The following UBE3B variants were observed in gnomAD, a reference collection of about 807,000 sequenced individuals.
UBE3B encodes ubiquitin-protein ligase E3B.
UBE3B carries 80 observed loss-of-function variants against 132.3 expected under a neutral mutation model. That is an observed-to-expected ratio of 0.60 (90% CI 0.50 to 0.73). The LOEUF is 0.73. Among genes scored for constraint, UBE3B ranks in the 30% least tolerant of loss-of-function variants. The pLI, the probability that UBE3B is intolerant of heterozygous loss-of-function variation, is 0.00. For missense variants in UBE3B, 1,196 were observed against 1,362.5 expected (o/e 0.88, Z 1.92); for synonymous variants, 487 against 520.4 (o/e 0.94, Z 0.87).
Position 109,536,435 on chromosome 12 carries a change from G to A in UBE3B, c.*1653G>A, listed in dbSNP as rs1277751726. On this transcript the variant is annotated 3_prime_UTR_variant, in exon 28 of 28. Coordinates refer to ENST00000342494, the MANE Select transcript of UBE3B (RefSeq NM_130466.4). The stretch of plus-strand genomic sequence containing the variant: ...TCACCTGAAGGTTGGAACCAGTGAG[G>A]GACTGGGAGAGAGTGATTTATAAGC... 6.6e-6 allele frequency: 1 copy of A among 152,224 alleles called. No homozygotes were observed. The highest frequency in any genetic ancestry group is 2.4e-5 in the African/African-American group (1 of 41,444). The allele number at this position is 152,224 out of a possible 1,614,324, so 9.4% of individuals were successfully genotyped here.
At chr12:109,491,679 TC>T (rs1877485335) in intron 9 of UBE3B, 1 of 152,420 alleles carries the variant, frequency 6.6e-6, no homozygotes, top group African/African-American at 2.4e-5. Flanking sequence ...TGTTCATAGG[TC>T]CAGAACATGT....
At chr12:109,480,650 T>TAAA (rs35317381) in intron 1 of UBE3B, among the ~76,000 whole-genome samples, 3 of 142,506 alleles carry the variant, frequency 2.1e-5, no homozygotes, top group Non-Finnish European at 3.1e-5. Context: ...GACCCTGCCT[T>TAAA]AAAAAAAAAA....
intron 24 of UBE3B, 28 bp from the exon 25 acceptor site, chr12:109,529,862 A>G: frequency 6.2e-7 from 1 of 1,613,000 alleles, no homozygotes; most frequent in East Asian, 2.2e-5. Flanking sequence ...GTTAATTGTC[A>G]TTGTTATCTC....
Position 109,534,420 on chromosome 12 carries a change from C to T in UBE3B, c.3016-171C>T, listed in dbSNP as rs374018902. 1.1e-4 allele frequency: 163 copies of T among 1,417,944 alleles called. 1 individual carries two copies. In the East Asian group the frequency reaches 1.4e-3, roughly 12 times the overall value. The allele number at this position is 1,417,944 out of a possible 1,614,324, so 87.8% of individuals were successfully genotyped here. ...AGGGGTTCCTTCTCTGGAAGCCAGT[C>T]GTCTTGTGTCTGGGGCTTGACCTCG... On this transcript the variant is annotated intron_variant, in intron 27 of 27. Coordinates refer to ENST00000342494, the MANE Select transcript of UBE3B (RefSeq NM_130466.4). This position sits in a 1 kb window ranked among gnomAD's most constrained non-coding sequence, Gnocchi z 5.2.
intron 24 of UBE3B, chr12:109,528,440 A>G: frequency 1.0e-6 from 1 of 985,200 alleles, no homozygotes; most frequent in Non-Finnish European, 1.2e-6. Context: ...AAATTTTTTT[A>G]AATAGGGATA....
At chr12:109,510,669 A>C (rs1179744522) in intron 17 of UBE3B, among the ~76,000 whole-genome samples, 1 of 152,232 alleles carries the variant, frequency 6.6e-6, no homozygotes, top group Non-Finnish European at 1.5e-5. Context: ...GATTAGAGTT[A>C]ATTAATGGCA....
At chr12:109,525,867 C>T (rs1882280215) in intron 23 of UBE3B, among the ~76,000 whole-genome samples, 1 of 152,146 alleles carries the variant, frequency 6.6e-6, no homozygotes, top group Non-Finnish European at 1.5e-5. Flanking sequence ...ATGCCAGTGC[C>T]CACAGGGTGC....
At chr12:109,544,026 G>A in the UBE3B span, among the ~76,000 whole-genome samples, 1 of 152,126 alleles carries the variant, frequency 6.6e-6, no homozygotes, top group Non-Finnish European at 1.5e-5. Context: ...CTGGCTTAAG[G>A]GTTGAGCCTC....
rs780201047 is a variant in UBE3B, at chr12:109,510,362, C to G, written c.1760C>G (p.Thr587Ser). The change falls in exon 17 of 28, where the codon ACC becomes AGC. Residue 587 changes from threonine to serine, a missense_variant. Coordinates refer to ENST00000342494, the MANE Select transcript of UBE3B (RefSeq NM_130466.4). ...DGIVENAKGE[T>S]LELFQSVHGW... Reference sequence around the variant, plus strand: ...CCCACAGAGAACGCCAAGGGTGAGACCTTGGAGCTGTTCCAGTCTGTCCAC... The same window carrying G: ...CCCACAGAGAACGCCAAGGGTGAGAGCTTGGAGCTGTTCCAGTCTGTCCAC... 24 of 1,609,732 alleles carry G rather than the reference C, an allele frequency of 1.5e-5. No individual in the cohort carries two copies.
intron 17 of UBE3B, among the ~76,000 whole-genome samples, 183 bp from the exon 18 acceptor site, chr12:109,511,021 C>T (rs2135991319): frequency 6.6e-6 from 1 of 152,336 alleles, no homozygotes; most frequent in South Asian, 2.1e-4. Flanking sequence ...CTCAACTCTG[C>T]TCTTGTAGCA....
intron 6 of UBE3B, among the ~76,000 whole-genome samples, chr12:109,486,868 G>T (rs921689030): frequency 1.2e-4 from 18 of 152,072 alleles, no homozygotes; most frequent in Admixed American, 7.9e-4. Flanking sequence ...TATTATACTA[G>T]TCAGGCCTCT....
intron 26 of UBE3B, among the ~76,000 whole-genome samples, chr12:109,531,575 C>CT (rs1251726202): frequency 1.3e-5 from 2 of 152,166 alleles, no homozygotes; most frequent in Non-Finnish European, 1.5e-5. Context: ...GACAGTGTCA[C>CT]TGGCAATTAA....
At chr12:109,491,585 G>A (rs1174752842) in intron 9 of UBE3B, 1 of 153,846 alleles carries the variant, frequency 6.5e-6, no homozygotes, top group Non-Finnish European at 1.4e-5. Context: ...GTTTGGAGAT[G>A]TCAGGTACTG....
rs1220691833 is a variant in UBE3B, at chr12:109,501,503, A to C, written c.1251A>C (p.Pro417=). 1 of 1,614,188 alleles carries C rather than the reference A, an allele frequency of 6.2e-7. No individual in the cohort carries two copies. The highest frequency in any genetic ancestry group is 8.5e-7 in the Non-Finnish European group (1 of 1,180,034). ...LESQEPAHAQ[P]ASPQNVLPVK... is the part of the protein sequence containing the mutation. The stretch of plus-strand genomic sequence containing the variant: ...GCCAGGAGCCAGCCCACGCACAGCC[A>C]GCATCCCCTCAGAATGTGCTCCCAG... The change falls in exon 13 of 28, where the codon CCA becomes CCC. Residue 417 remains proline, a synonymous_variant. Transcript: ENST00000342494.
At chr12:109,529,777 T>G in intron 24 of UBE3B, 113 bp from the exon 25 acceptor site, 1 of 1,220,926 alleles carries the variant, frequency 8.2e-7, no homozygotes, top group Non-Finnish European at 1.2e-6. Flanking sequence ...TCTGGTACTA[T>G]TTGTGTTTTT....
intron 14 of UBE3B, among the ~76,000 whole-genome samples, chr12:109,503,713 A>T (rs1432034599): frequency 6.6e-6 from 1 of 152,192 alleles, no homozygotes; most frequent in Non-Finnish European, 1.5e-5. Context: ...TTTCCTTTTT[A>T]GCTTAACATG....
chr12:109,519,470 C>T (rs551343401), intron 19 of UBE3B: 8 of 152,328 alleles, frequency 5.3e-5, no homozygotes, highest in South Asian at 4.1e-4. Context: ...ATCCAGTAAA[C>T]GCTCCTTGAG....
chr12:109,520,801 TGA>T (rs895264519), intron 19 of UBE3B: 11 of 192,486 alleles, frequency 5.7e-5, no homozygotes, highest in Admixed American at 1.2e-4. Flanking sequence ...CTCTTAGCAT[TGA>T]GAGAGAGAGA....
At chr12:109,484,511 C>T (rs1439553477) in intron 4 of UBE3B, among the ~76,000 whole-genome samples, 2 of 152,122 alleles carry the variant, frequency 1.3e-5, no homozygotes, top group Non-Finnish European at 2.9e-5. Flanking sequence ...CCGGCCTCAG[C>T]CTCCCTAGTA....
Sources: allele counts gnomAD v4.1 joint callset (sites outside exome capture counted in the v4.1 genomes callset), GRCh38; gene constraint gnomAD v4.1.1; non-coding constraint Gnocchi (gnomAD v3.1); transcripts MANE v1.5; gene names NCBI Gene and HGNC (gene_info 2026-07-23, HGNC 2026-07-21).